The following CCDC85A variants were observed in gnomAD, a reference collection of about 807,000 sequenced individuals.
The protein encoded by CCDC85A is coiled-coil domain-containing protein 85A.
A neutral mutation model predicts 50.2 loss-of-function variants in CCDC85A; 38 were observed. The observed-to-expected ratio is 0.76, with a 90% CI of 0.58 to 0.99. The LOEUF is 0.99. CCDC85A is among the 50% of genes least tolerant of loss of function. The pLI, the probability that CCDC85A is intolerant of heterozygous loss-of-function variation, is 0.00. For missense variants in CCDC85A, 820 were observed against 742.0 expected (o/e 1.11, Z -1.22); for synonymous variants, 366 against 301.4 (o/e 1.21, Z -2.22).
chr2:56,253,088 T>C (rs536505421), intron 2 of CCDC85A, among the ~76,000 whole-genome samples: 1 of 152,248 alleles, frequency 6.6e-6, no homozygotes, highest in Non-Finnish European at 1.5e-5. Context: ...CTGTTCTTAT[T>C]ATAGGTGTAT....
chr2:56,292,834 T>C (rs1197241761), intron 2 of CCDC85A, among the ~76,000 whole-genome samples: 1 of 152,178 alleles, frequency 6.6e-6, no homozygotes, highest in African/African-American at 2.4e-5. Flanking sequence ...ATTTATGATA[T>C]TGCTTATAAA....
chr2:56,364,228 C>A (rs1031946880), intron 3 of CCDC85A, among the ~76,000 whole-genome samples: 50 of 152,242 alleles, frequency 3.3e-4, no homozygotes, highest in Non-Finnish European at 2.9e-4. Context: ...TCTGTCTTAG[C>A]CCTTTCAAAA....
chr2:56,356,729 A>AG (rs11397232), intron 3 of CCDC85A, among the ~76,000 whole-genome samples: 116,069 of 137,704 alleles, frequency 0.84, 48,937 homozygotes, highest in East Asian at 0.93. Context: ...TTCCATCTCA[A>AG]GGAAAAAAAA....
chr2:56,212,178 C>G (rs2103881149), intron 2 of CCDC85A, among the ~76,000 whole-genome samples: 1 of 152,118 alleles, frequency 6.6e-6, no homozygotes. Flanking sequence ...TGCTGGTATT[C>G]CGTCATTTTC....
At chr2:56,260,673 G>A (rs937509995) in intron 2 of CCDC85A, among the ~76,000 whole-genome samples, 9 of 152,152 alleles carry the variant, frequency 5.9e-5, no homozygotes, top group South Asian at 2.1e-4. Flanking sequence ...TGAAGGTGAC[G>A]TTGCCTGGAG....
chr2:56,299,171 C>T (rs1672091288), intron 2 of CCDC85A, among the ~76,000 whole-genome samples: 1 of 152,172 alleles, frequency 6.6e-6, no homozygotes, highest in African/African-American at 2.4e-5. Context: ...AAAGGCTACA[C>T]AGGAAATCCT....
At chr2:56,185,489 C>G (rs1675981689) in intron 1 of CCDC85A, among the ~76,000 whole-genome samples, 1 of 152,218 alleles carries the variant, frequency 6.6e-6, no homozygotes, top group Non-Finnish European at 1.5e-5. Flanking sequence ...TGTGCTTTCC[C>G]TCTCCCGGAG....
chr2:56,309,075 G>A (rs980948872), intron 2 of CCDC85A, among the ~76,000 whole-genome samples: 66 of 152,246 alleles, frequency 4.3e-4, no homozygotes, highest in Admixed American at 3.8e-3. Flanking sequence ...TTATTAATAC[G>A]ATAGTTCTGC....
intron 2 of CCDC85A, among the ~76,000 whole-genome samples, chr2:56,234,936 G>A (rs895635313): frequency 6.6e-6 from 1 of 152,154 alleles, no homozygotes; most frequent in Non-Finnish European, 1.5e-5. Context: ...GATGTTCCAT[G>A]TAGCTATAAG....
At chr2:56,242,853 G>A (rs1669326039) in intron 2 of CCDC85A, among the ~76,000 whole-genome samples, 1 of 152,066 alleles carries the variant, frequency 6.6e-6, no homozygotes, top group South Asian at 2.1e-4. Flanking sequence ...CAGTGGCCTG[G>A]AGAATTCCTT....
intron 2 of CCDC85A, among the ~76,000 whole-genome samples, chr2:56,291,868 G>A (rs187637357): frequency 1.5e-4 from 22 of 147,632 alleles, no homozygotes; most frequent in Admixed American, 4.8e-4. Flanking sequence ...AGGGAGAATT[G>A]TAGCCAGGAT....
chr2:56,349,197 T>C (rs1040508078), intron 3 of CCDC85A, among the ~76,000 whole-genome samples: 1 of 152,156 alleles, frequency 6.6e-6, no homozygotes, highest in East Asian at 1.9e-4. Context: ...CCATTAAGGA[T>C]TGTTTGCTGC....
At chr2:56,200,079 G>C (rs1573013125) in intron 2 of CCDC85A, among the ~76,000 whole-genome samples, 1 of 152,308 alleles carries the variant, frequency 6.6e-6, no homozygotes, top group Non-Finnish European at 1.5e-5. Context: ...ATGTTAGCCA[G>C]GATGGTCTCC....
At chr2:56,365,884 G>A (rs1219407797) in intron 3 of CCDC85A, among the ~76,000 whole-genome samples, 29 of 152,160 alleles carry the variant, frequency 1.9e-4, no homozygotes, top group East Asian at 3.9e-4. Context: ...CTGAAATTTT[G>A]TATCCTTTGA....
intron 2 of CCDC85A, among the ~76,000 whole-genome samples, chr2:56,269,230 A>G (rs1264754752): frequency 6.6e-6 from 1 of 152,138 alleles, no homozygotes; most frequent in Non-Finnish European, 1.5e-5. Flanking sequence ...TACCTGGGAC[A>G]CATAAACATA....
chr2:56,317,180 C>T (rs1672960535), intron 2 of CCDC85A, among the ~76,000 whole-genome samples: 3 of 152,024 alleles, frequency 2.0e-5, no homozygotes, highest in South Asian at 2.1e-4. Flanking sequence ...TTGAAGGCAC[C>T]AATTATTTCA....
intron 2 of CCDC85A, among the ~76,000 whole-genome samples, chr2:56,278,643 G>A (rs1194123114): frequency 2.0e-5 from 3 of 151,862 alleles, no homozygotes; most frequent in Non-Finnish European, 2.9e-5. Context: ...GCACAATCTC[G>A]GCTCACTGCA....
intron 2 of CCDC85A, among the ~76,000 whole-genome samples, chr2:56,228,124 T>C (rs1211887399): frequency 6.6e-6 from 1 of 152,186 alleles, no homozygotes; most frequent in Non-Finnish European, 1.5e-5. Context: ...GAACTTCCTT[T>C]GTGAAGTCAG....
chr2:56,363,738 C>T (rs925119846), intron 3 of CCDC85A, among the ~76,000 whole-genome samples: 4 of 152,200 alleles, frequency 2.6e-5, no homozygotes, highest in Non-Finnish European at 4.4e-5. Context: ...CCCCTGGGCC[C>T]TGATAGCATG....
Sources: gnomAD v4.1 joint callset for allele counts (sites outside exome capture counted in the v4.1 genomes callset) on GRCh38, gnomAD v4.1.1 for gene constraint, MANE v1.5 for transcripts, NCBI Gene and HGNC (gene_info 2026-07-23, HGNC 2026-07-21) for gene names.